GSK3B: variants seen among roughly 807,000 people sequenced by gnomAD.
The protein encoded by GSK3B is glycogen synthase kinase 3 beta.
GSK3B carries 15 observed loss-of-function variants against 56.4 expected under a neutral mutation model. The observed-to-expected ratio is 0.27, with a 90% confidence interval of 0.18 to 0.41. GSK3B has a LOEUF of 0.41. Ranked by LOEUF, GSK3B falls within the 10% of genes least tolerant of loss-of-function variation. The pLI is 1.00. For synonymous variants in GSK3B, 181 were observed against 188.9 expected, an observed-to-expected ratio of 0.96 and a Z score of 0.34; for missense variants, 300 against 513.4, an observed-to-expected ratio of 0.58 and a Z score of 4.02.
chr3:120,061,611 ACAGT>A (rs962952599), intron 1 of GSK3B, among the ~76,000 whole-genome samples: 6 of 152,204 alleles, frequency 3.9e-5, no homozygotes, highest in East Asian at 1.9e-4. Flanking sequence ...ATTTTCATAA[ACAGT>A]CAGGTATATC....
chr3:119,853,174 A>G (rs1559808419), intron 9 of GSK3B, among the ~76,000 whole-genome samples: 1 of 152,188 alleles, frequency 6.6e-6, no homozygotes, highest in Non-Finnish European at 1.5e-5. Context: ...CATTTATCAC[A>G]TAGGGAATCC....
intron 1 of GSK3B, among the ~76,000 whole-genome samples, chr3:120,061,722 AATTT>A (rs200808389): frequency 1.7e-4 from 26 of 151,832 alleles, no homozygotes; most frequent in Non-Finnish European, 3.1e-4. Context: ...AGAATATATG[AATTT>A]ATTTATTTAT....
intron 5 of GSK3B, among the ~76,000 whole-genome samples, chr3:119,915,209 G>T (rs776461952): frequency 6.6e-6 from 1 of 151,992 alleles, no homozygotes; most frequent in Non-Finnish European, 1.5e-5. Flanking sequence ...GATGAAATTT[G>T]CAGGAAAAAG....
intron 2 of GSK3B, among the ~76,000 whole-genome samples, chr3:119,975,056 A>G (rs2057398339): frequency 2.0e-5 from 3 of 152,234 alleles, no homozygotes; most frequent in African/African-American, 7.2e-5. Context: ...ATAATTGTCT[A>G]AACTTCAGCT....
intron 1 of GSK3B, among the ~76,000 whole-genome samples, chr3:120,017,523 A>AT (rs1171222137): frequency 3.3e-5 from 5 of 152,214 alleles, no homozygotes; most frequent in Non-Finnish European, 4.4e-5. Context: ...AAATATGCAG[A>AT]TATCTGCACT....
intron 2 of GSK3B, among the ~76,000 whole-genome samples, chr3:119,978,491 T>C (rs904499185): frequency 1.3e-5 from 2 of 152,202 alleles, no homozygotes; most frequent in African/African-American, 4.8e-5. Context: ...GTTTCTTTCC[T>C]TTCTTTAACT....
intron 2 of GSK3B, among the ~76,000 whole-genome samples, chr3:119,948,110 A>G (rs925853680): frequency 6.6e-6 from 1 of 152,262 alleles, no homozygotes; most frequent in Non-Finnish European, 1.5e-5. Flanking sequence ...ACTGACAGAA[A>G]TCCACTTAAT....
intron 3 of GSK3B, among the ~76,000 whole-genome samples, chr3:119,926,157 GTC>G (rs2056886997): frequency 6.6e-6 from 1 of 151,970 alleles, no homozygotes; most frequent in African/African-American, 2.4e-5. Flanking sequence ...ATCTCATCCA[GTC>G]TAATGACTCA....
intron 2 of GSK3B, among the ~76,000 whole-genome samples, chr3:119,959,022 G>T (rs990474576): frequency 6.6e-5 from 10 of 152,068 alleles, no homozygotes; most frequent in Admixed American, 2.0e-4. Context: ...TACAACTAAG[G>T]TTTACACAAA....
chr3:120,049,546 T>C (rs2058130562), intron 1 of GSK3B, among the ~76,000 whole-genome samples: 1 of 152,148 alleles, frequency 6.6e-6, no homozygotes, highest in South Asian at 2.1e-4. Context: ...TAAAAGCATA[T>C]ACTAGAGACA....
intron 1 of GSK3B, among the ~76,000 whole-genome samples, chr3:120,019,519 T>A (rs1306483485): frequency 6.6e-6 from 1 of 152,360 alleles, no homozygotes; most frequent in East Asian, 1.9e-4. Context: ...CAAACACACA[T>A]CCTAGGTTAC....
At chr3:119,936,050 A>G (rs1240103354) in intron 3 of GSK3B, among the ~76,000 whole-genome samples, 1 of 152,008 alleles carries the variant, frequency 6.6e-6, no homozygotes, top group Non-Finnish European at 1.5e-5. Context: ...AAAATGCTTC[A>G]ACAAGCTGGA....
At chr3:119,841,615 T>C (rs1346175605) in intron 10 of GSK3B, among the ~76,000 whole-genome samples, 1 of 152,164 alleles carries the variant, frequency 6.6e-6, no homozygotes. Context: ...ACTTTCTCAA[T>C]CTGTAAAATG....
In GSK3B at chr3:120,094,431, C is replaced by G. The variant is rs141297593; in HGVS notation, c.-997G>C. ...GGCACAAGCCCGCATTCGCCCGGGTCAGGAGCTGCTCTGTGTGAGGAGCGC... is the reference window on the plus strand; with the variant it reads ...GGCACAAGCCCGCATTCGCCCGGGTGAGGAGCTGCTCTGTGTGAGGAGCGC... On this transcript the variant is annotated 5_prime_UTR_variant, in exon 1 of 11. Transcript: ENST00000264235. 1.6e-3 allele frequency: 483 copies of G among 309,060 alleles called. 5 individuals carry two copies. In the East Asian group the frequency reaches 0.025, roughly 16 times the overall value. The allele number at this position is 309,060 out of a possible 1,614,324, so 19.1% of individuals were successfully genotyped here.
chr3:120,009,396 C>A (rs997757672), intron 1 of GSK3B, among the ~76,000 whole-genome samples: 4 of 152,092 alleles, frequency 2.6e-5, no homozygotes, highest in Non-Finnish European at 1.5e-5. Context: ...ACATTTACTG[C>A]GGCACTATTC....
At chr3:119,985,715 C>T (rs1247331240) in intron 2 of GSK3B, among the ~76,000 whole-genome samples, 1 of 152,138 alleles carries the variant, frequency 6.6e-6, no homozygotes, top group Non-Finnish European at 1.5e-5. Flanking sequence ...ATATTCCATG[C>T]TCATGGATAG....
chr3:120,025,801 T>C (rs1363733842), intron 1 of GSK3B, among the ~76,000 whole-genome samples: 3 of 152,178 alleles, frequency 2.0e-5, no homozygotes, highest in African/African-American at 4.8e-5. Flanking sequence ...AGGCAGAAGA[T>C]GTTTGTAGAA....
At chr3:119,956,894 T>G (rs1024832115) in intron 2 of GSK3B, among the ~76,000 whole-genome samples, 2 of 152,242 alleles carry the variant, frequency 1.3e-5, no homozygotes, top group African/African-American at 4.8e-5. Flanking sequence ...ACTAAATTCT[T>G]CAGGTTTATT....
At chr3:120,061,303 T>C (rs1041834469) in intron 1 of GSK3B, among the ~76,000 whole-genome samples, 9 of 152,240 alleles carry the variant, frequency 5.9e-5, no homozygotes, top group African/African-American at 1.9e-4. Context: ...AAAATAAAGA[T>C]AGCAAAATCT....
Sources: allele counts gnomAD v4.1 joint callset (sites outside exome capture counted in the v4.1 genomes callset), GRCh38; gene constraint gnomAD v4.1.1; transcripts MANE v1.5; gene names NCBI Gene and HGNC (gene_info 2026-07-23, HGNC 2026-07-21).